The following ATXN7L1 variants were observed in gnomAD, a reference collection of about 807,000 sequenced individuals.
The protein encoded by ATXN7L1 is ataxin 7 like 1.
ATXN7L1 carries 15 observed loss-of-function variants against 70.8 expected under a neutral mutation model. The observed-to-expected ratio is 0.21, with a 90% CI of 0.14 to 0.33. The LOEUF is 0.33. ATXN7L1 is among the 10% of genes least tolerant of loss of function. ATXN7L1 has a pLI of 1.00. For missense variants in ATXN7L1, 975 were observed against 1,097.1 expected (o/e 0.89, Z 1.57); for synonymous variants, 440 against 445.1 (o/e 0.99, Z 0.14).
At chr7:105,848,178 C>T (rs548652830) in intron 2 of ATXN7L1, among the ~76,000 whole-genome samples, 7 of 152,250 alleles carry the variant, frequency 4.6e-5, no homozygotes, top group Admixed American at 2.0e-4. Flanking sequence ...AGAATGAAAA[C>T]TAAAATAAGA....
In ATXN7L1 at chr7:105,614,758, G is replaced by T; in HGVS notation, c.1576C>A (p.Pro526Thr). The T allele has an allele frequency of 6.4e-7, 1 of 1,551,742 alleles. No homozygotes were observed. Among genetic ancestry groups the T allele is most frequent in the Non-Finnish European group, 8.7e-7 (1 of 1,147,002 alleles). The stretch of plus-strand genomic sequence containing the variant: ...GGCTGCAAAACGGATGCTGGAACGG[G>T]GGTGGTGATGTGGGCTGCTGGCGAG... Reference protein sequence around the residue: ...LPSPAAHITTPVPASVLQPFS... With the variant: ...LPSPAAHITTTVPASVLQPFS... Residue 526 changes from proline to threonine, a missense_variant, in exon 10 of 12, where the codon CCC becomes ACC. By Grantham distance (38) the Pro-to-Thr change is conservative (BLOSUM62 -1). This residue lies in a region of ATXN7L1 where 635 missense variants were observed against 699.4 expected (regional missense o/e 0.91). Transcript: ENST00000419735. The surrounding 1 kb of genome is among the most constrained non-coding windows in gnomAD (Gnocchi z 4.3).
chr7:105,676,172 T>C (rs1804619964), intron 3 of ATXN7L1, among the ~76,000 whole-genome samples: 1 of 152,108 alleles, frequency 6.6e-6, no homozygotes, highest in Non-Finnish European at 1.5e-5. Flanking sequence ...ACGATCCTCT[T>C]CATAACATGA....
intron 4 of ATXN7L1, among the ~76,000 whole-genome samples, chr7:105,648,048 A>G (rs922302335): frequency 2.6e-5 from 4 of 152,198 alleles, no homozygotes; most frequent in Non-Finnish European, 5.9e-5. Context: ...AGCATTGGGG[A>G]AAAAAGTCTG....
chr7:105,757,975 C>T (rs1187615873), intron 3 of ATXN7L1, among the ~76,000 whole-genome samples: 2 of 152,146 alleles, frequency 1.3e-5, no homozygotes, highest in Non-Finnish European at 2.9e-5. Flanking sequence ...AAGTACTTGT[C>T]TTCCCAGCTG....
intron 2 of ATXN7L1, chr7:105,819,445 T>TA (rs369266871): frequency 0.013 from 7,473 of 555,896 alleles, 1 homozygote; most frequent in Middle Eastern, 0.023. Flanking sequence ...ATTTGGGATT[T>TA]AAAAAAAAAA....
At chr7:105,648,437 C>G (rs905200777) in intron 4 of ATXN7L1, among the ~76,000 whole-genome samples, 2 of 152,194 alleles carry the variant, frequency 1.3e-5, no homozygotes, top group Non-Finnish European at 1.5e-5. Flanking sequence ...ATCGGGCCAG[C>G]CTTTCTTTAC....
At chr7:105,837,217 C>T (rs752881702) in intron 2 of ATXN7L1, among the ~76,000 whole-genome samples, 2 of 152,026 alleles carry the variant, frequency 1.3e-5, no homozygotes, top group Non-Finnish European at 2.9e-5. Context: ...CCCACCAGGC[C>T]CCACCTCCAA....
rs576197101 is a variant in ATXN7L1, at chr7:105,615,572, A to G, written c.1518-756T>C. Among the ~76,000 whole-genome samples, 18 of 152,278 alleles carry G rather than the reference A, an allele frequency of 1.2e-4. No homozygotes were observed. In the East Asian group the frequency reaches 3.5e-3, roughly 29 times the overall value. Reference sequence around the variant, plus strand: ...AGCTTTGTTTTTTCCTATTCAGCCCATTCTACCTTAGCTCTTGCTCAGAGG... The same window carrying G: ...AGCTTTGTTTTTTCCTATTCAGCCCGTTCTACCTTAGCTCTTGCTCAGAGG... On this transcript the variant is annotated intron_variant, in intron 9 of 11. Coordinates refer to ENST00000419735, the MANE Select transcript of ATXN7L1 (RefSeq NM_020725.2).
rs1554431637 is a variant in ATXN7L1 at position 105,692,411 on chromosome 7, T to TTCCCTCCCTCCC, written c.356-27124_356-27123insGGGAGGGAGGGA. Reference sequence around the variant, plus strand: ...CTTCCTTCCTTCCTTCCTTCCTTCCTTCCTTCCTTCCTTCCTCCCTCCCTC... The same window carrying TTCCCTCCCTCCC: ...CTTCCTTCCTTCCTTCCTTCCTTCCTTCCCTCCCTCCCTCCTTCCTTCCTTCCTCCCTCCCTC... On this transcript the variant is annotated intron_variant, in intron 3 of 11. Transcript: ENST00000419735. Among the ~76,000 whole-genome samples the TTCCCTCCCTCCC allele has an allele frequency of 2.5e-3, 303 of 119,448 alleles. 3 individuals carry two copies. Among genetic ancestry groups the TTCCCTCCCTCCC allele is most frequent in the East Asian group, 0.012 (48 of 4,036 alleles). The allele number at this position is 119,448 out of a possible 152,430, so 78.4% of individuals were successfully genotyped here. A position where few individuals can be genotyped will look rare whatever the true frequency, so the allele number is the denominator to read the frequency against.
At chr7:105,786,998 C>T (rs986603084) in intron 3 of ATXN7L1, among the ~76,000 whole-genome samples, 3 of 152,172 alleles carry the variant, frequency 2.0e-5, no homozygotes, top group African/African-American at 7.2e-5. Flanking sequence ...GAACCACTGG[C>T]TGGGTGGGAC....
Position 105,691,293 on chromosome 7 carries a change from G to T in ATXN7L1, c.356-26005C>A, listed in dbSNP as rs187483725. 2.1e-4 allele frequency among the ~76,000 whole-genome samples: 32 copies of T among 152,266 alleles called. 1 individual carries two copies. In the East Asian group the frequency reaches 6.0e-3, roughly 28 times the overall value. ...CTTTCATTTTACTCCGTTTGTGAAC[G>T]ACTAAAGGAAAACAACACGTCCTAG... is the stretch of plus-strand genomic sequence containing the variant. On this transcript the variant is annotated intron_variant, in intron 3 of 11. Transcript: ENST00000419735.
At chr7:105,684,485 A>G (rs995392735) in intron 3 of ATXN7L1, among the ~76,000 whole-genome samples, 1 of 152,232 alleles carries the variant, frequency 6.6e-6, no homozygotes, top group African/African-American at 2.4e-5. Flanking sequence ...CTATTAATGC[A>G]GCCAGAGATC....
At chr7:105,685,899 A>C (rs1259093597) in intron 3 of ATXN7L1, among the ~76,000 whole-genome samples, 2 of 152,190 alleles carry the variant, frequency 1.3e-5, no homozygotes, top group Non-Finnish European at 2.9e-5. Flanking sequence ...CCAATCTTGG[A>C]AACATTTTGC....
chr7:105,639,390 A>T (rs1797852198), intron 6 of ATXN7L1, 97 bp downstream of exon 6: 13 of 911,712 alleles, frequency 1.4e-5, no homozygotes, highest in Non-Finnish European at 1.9e-5. Flanking sequence ...GGTCATGTCG[A>T]GGTTCCACAC....
chr7:105,665,534 T>C (rs972657604), intron 3 of ATXN7L1, among the ~76,000 whole-genome samples: 2 of 152,196 alleles, frequency 1.3e-5, no homozygotes, highest in African/African-American at 4.8e-5. Context: ...AGGGTTCTCA[T>C]GGGAGGCATT....
chr7:105,763,110 A>T (rs1193744501), intron 3 of ATXN7L1, among the ~76,000 whole-genome samples: 1 of 152,226 alleles, frequency 6.6e-6, no homozygotes, highest in Non-Finnish European at 1.5e-5. Context: ...AAGACAACAC[A>T]GATTTGTTGT....
At chr7:105,724,714 T>C (rs1382700968) in intron 3 of ATXN7L1, among the ~76,000 whole-genome samples, 2 of 152,076 alleles carry the variant, frequency 1.3e-5, no homozygotes, top group African/African-American at 4.8e-5. Context: ...ACCAGTGATC[T>C]TCACTGTTCT....
At chr7:105,806,421 G>A (rs1308026274) in intron 2 of ATXN7L1, among the ~76,000 whole-genome samples, 1 of 152,186 alleles carries the variant, frequency 6.6e-6, no homozygotes, top group Non-Finnish European at 1.5e-5. Flanking sequence ...AACCTCAGTT[G>A]TTTAAGCCAC....
chr7:105,609,757 G>C (rs554525437), intron 11 of ATXN7L1, among the ~76,000 whole-genome samples: 7 of 151,858 alleles, frequency 4.6e-5, no homozygotes, highest in African/African-American at 1.4e-4. Context: ...ATCATGCCTG[G>C]CTGGCAAGTC....
Sources: allele counts gnomAD v4.1 joint callset (sites outside exome capture counted in the v4.1 genomes callset), GRCh38; gene constraint gnomAD v4.1.1; regional missense constraint gnomAD v4.1.1; non-coding constraint Gnocchi (gnomAD v3.1); transcripts MANE v1.5; gene names NCBI Gene and HGNC (gene_info 2026-07-23, HGNC 2026-07-21).